Variants in GRID2 observed in about 807,000 individuals in gnomAD.
The protein encoded by GRID2 is glutamate receptor ionotropic, delta-2.
Under a neutral mutation model 114.8 loss-of-function variants are expected in GRID2, and 33 were observed. The ratio of observed to expected loss-of-function variants is 0.29; its 90% CI spans 0.22 to 0.38. The LOEUF is 0.38. Among genes scored for constraint, GRID2 ranks in the 10% least tolerant of loss-of-function variants. The probability of loss-of-function intolerance (pLI) is 1.00; values close to 1 mark genes in which losing one functional copy is unlikely to be tolerated. For synonymous variants in GRID2, 505 were observed against 449.9 expected (o/e 1.12, Z -1.55); for missense variants, 1,184 against 1,257.7 (o/e 0.94, Z 0.89).
At chr4:92,682,417 A>T (rs1733691693) in intron 2 of GRID2, among the ~76,000 whole-genome samples, 1 of 152,112 alleles carries the variant, frequency 6.6e-6, no homozygotes, top group African/African-American at 2.4e-5. Context: ...AAGCCCAGAG[A>T]TCTGTGTTTT....
At chr4:92,723,914 AATC>A (rs1735932092) in intron 2 of GRID2, among the ~76,000 whole-genome samples, 3 of 152,286 alleles carry the variant, frequency 2.0e-5, no homozygotes, top group Admixed American at 6.5e-5. Flanking sequence ...TAGCTATTAA[AATC>A]ATAATTATTC....
intron 9 of GRID2, among the ~76,000 whole-genome samples, chr4:93,397,892 T>C (rs1765489642): frequency 6.6e-6 from 1 of 151,764 alleles, no homozygotes; most frequent in Non-Finnish European, 1.5e-5. Flanking sequence ...TTATTTTTAT[T>C]GGGTTTTTTT....
Position 93,613,131 on chromosome 4 carries a change from C to T in GRID2, c.2194-13138C>T, listed in dbSNP as rs867338980. 8.1e-5 allele frequency among the ~76,000 whole-genome samples: 12 copies of T among 147,920 alleles called. No homozygotes were observed. The South Asian group carries it at 2.2e-3, about 27-fold the overall frequency. ...GCTCCTGAGGCTTCTGCATTCTTCACGTAGTTCTCGAGCCTTGGTTTTCAG... is the reference window on the plus strand; with the variant it reads ...GCTCCTGAGGCTTCTGCATTCTTCATGTAGTTCTCGAGCCTTGGTTTTCAG... On this transcript the variant is annotated intron_variant, in intron 13 of 15. Coordinates refer to ENST00000282020, the MANE Select transcript of GRID2 (RefSeq NM_001510.4).
chr4:93,026,510 G>T (rs907078789), intron 2 of GRID2, among the ~76,000 whole-genome samples: 1 of 151,832 alleles, frequency 6.6e-6, no homozygotes, highest in Non-Finnish European at 1.5e-5. Flanking sequence ...AAGAAGTTAT[G>T]TATACTTTAA....
chr4:92,375,670 T>G (rs114106334), intron 1 of GRID2, among the ~76,000 whole-genome samples: 95 of 152,278 alleles, frequency 6.2e-4, no homozygotes, highest in Non-Finnish European at 1.2e-3. Context: ...ATTGGAGATG[T>G]TGGAAATATC....
At chr4:92,503,965 T>C (rs6826154) in intron 1 of GRID2, among the ~76,000 whole-genome samples, 1,587 of 151,980 alleles carry the variant, frequency 0.01, 25 homozygotes, top group African/African-American at 0.037. Flanking sequence ...AGATTGAAAA[T>C]ATAAGAAATA....
chr4:92,951,333 T>TTTATTTATTTA (rs1752018815), intron 2 of GRID2, among the ~76,000 whole-genome samples: 1 of 150,388 alleles, frequency 6.6e-6, no homozygotes. Flanking sequence ...TCGCAAAATT[T>TTTATTTATTTA]TTTATTTATT....
intron 14 of GRID2, among the ~76,000 whole-genome samples, chr4:93,694,638 A>C (rs982541935): frequency 6.6e-6 from 1 of 152,000 alleles, no homozygotes; most frequent in Non-Finnish European, 1.5e-5. Flanking sequence ...CCATATTCTA[A>C]AGTTCATGGT....
chr4:93,546,669 G>A (rs753901031), intron 13 of GRID2, among the ~76,000 whole-genome samples: 13 of 152,088 alleles, frequency 8.5e-5, no homozygotes, highest in Non-Finnish European at 1.5e-4. Flanking sequence ...CAATTTAATA[G>A]GATACACATG....
intron 2 of GRID2, among the ~76,000 whole-genome samples, chr4:92,957,327 G>T (rs986616687): frequency 6.6e-6 from 1 of 151,898 alleles, no homozygotes; most frequent in Non-Finnish European, 1.5e-5. Flanking sequence ...GTTAATTTTT[G>T]TAAAAGGTGT....
chr4:93,440,510 T>C (rs981695305), intron 10 of GRID2, among the ~76,000 whole-genome samples: 1 of 151,970 alleles, frequency 6.6e-6, no homozygotes, highest in Non-Finnish European at 1.5e-5. Flanking sequence ...AAAAAATACA[T>C]GTGGTCATAA....
At chr4:92,794,754 C>T (rs1447183178) in intron 2 of GRID2, among the ~76,000 whole-genome samples, 2 of 151,258 alleles carry the variant, frequency 1.3e-5, no homozygotes, top group Admixed American at 6.6e-5. Flanking sequence ...GGGGCACTGA[C>T]ACCTTGTGCA....
intron 3 of GRID2, among the ~76,000 whole-genome samples, chr4:93,088,545 T>C (rs1198449861): frequency 1.3e-5 from 2 of 152,130 alleles, no homozygotes; most frequent in Non-Finnish European, 2.9e-5. Context: ...GCACCAGTGA[T>C]TGAAGAAGGC....
intron 13 of GRID2, among the ~76,000 whole-genome samples, chr4:93,583,414 G>C (rs1295785736): frequency 6.6e-6 from 1 of 151,814 alleles, no homozygotes; most frequent in African/African-American, 2.4e-5. Flanking sequence ...GTTTTTTTCT[G>C]TTATTATTAA....
chr4:92,875,086 G>T (rs1745523934), intron 2 of GRID2, among the ~76,000 whole-genome samples: 1 of 149,514 alleles, frequency 6.7e-6, no homozygotes, highest in Admixed American at 6.7e-5. Flanking sequence ...GAAATTTCGT[G>T]TGCCAAGGAA....
chr4:92,641,039 G>GA lies in GRID2; in HGVS notation c.244+50759dup, dbSNP rs1331582340. Among the ~76,000 whole-genome samples the GA allele has an allele frequency of 2.6e-5, 4 of 151,384 alleles. No homozygotes were observed. In the East Asian group the frequency reaches 7.8e-4, roughly 30 times the overall value. On this transcript the variant is annotated intron_variant, in intron 2 of 15. Coordinates refer to ENST00000282020, the MANE Select transcript of GRID2 (RefSeq NM_001510.4). ...CGACAAAAGAAGAGAGGGAAGGAAAGAAAAAACTTGTCAAATATTTCATAG... is the reference window on the plus strand; with the variant it reads ...CGACAAAAGAAGAGAGGGAAGGAAAGAAAAAAACTTGTCAAATATTTCATAG...
chr4:92,429,378 T>G (rs527606200), intron 1 of GRID2, among the ~76,000 whole-genome samples: 5 of 152,190 alleles, frequency 3.3e-5, no homozygotes, highest in Non-Finnish European at 7.4e-5. Flanking sequence ...TTATTTCACT[T>G]AATGTAATGT....
At chr4:93,709,963 AT>A (rs1317973294) in intron 14 of GRID2, among the ~76,000 whole-genome samples, 2 of 152,024 alleles carry the variant, frequency 1.3e-5, no homozygotes, top group African/African-American at 4.8e-5. Flanking sequence ...AGAATTCTGA[AT>A]TTTTTTCTCT....
intron 10 of GRID2, among the ~76,000 whole-genome samples, chr4:93,447,478 T>G (rs769568526): frequency 6.6e-6 from 1 of 151,926 alleles, no homozygotes; most frequent in African/African-American, 2.4e-5. Context: ...ATCAAAAACA[T>G]GTGTACACCA....
Sources: gnomAD v4.1 joint callset for allele counts (sites outside exome capture counted in the v4.1 genomes callset) on GRCh38, gnomAD v4.1.1 for gene constraint, MANE v1.5 for transcripts, NCBI Gene and HGNC (gene_info 2026-07-23, HGNC 2026-07-21) for gene names.